UNC5D: variants seen among roughly 807,000 people sequenced by gnomAD.
UNC5D encodes unc-5 netrin receptor D.
Under a neutral mutation model 105.4 loss-of-function variants are expected in UNC5D, and 39 were observed. That is an observed-to-expected ratio of 0.37 (90% CI 0.29 to 0.48). The LOEUF (loss-of-function observed/expected upper bound fraction) is 0.48. Ranked by LOEUF, UNC5D falls within the 20% of genes least tolerant of loss-of-function variation. UNC5D has a pLI of 0.98. For synonymous variants in UNC5D, 452 were observed against 450.4 expected (o/e 1.00, Z -0.04); for missense variants, 991 against 1,202.4 (o/e 0.82, Z 2.60).
rs569824918 is a variant in UNC5D at position 35,727,109 on chromosome 8, C to T, written c.1681+580C>T. ...ATAATGAATTCTCACATATTTTGTT[C>T]CTCCTTTTAGCTGGAAGAGAGGAGA... On this transcript the variant is annotated intron_variant, in intron 10 of 16. Coordinates refer to ENST00000404895, the MANE Select transcript of UNC5D (RefSeq NM_080872.4). 2.6e-5 allele frequency: 4 copies of T among 153,210 alleles called. No homozygotes were observed. The South Asian group carries it at 8.2e-4, about 32-fold the overall frequency. 9.5% of individuals were successfully genotyped at this position (153,210 alleles called of 1,614,324 possible).
rs536794552 is a variant in UNC5D, at chr8:35,764,157, C to G, written c.2314-2745C>G. Among the ~76,000 whole-genome samples, 4 of 152,160 alleles carry G rather than the reference C, an allele frequency of 2.6e-5. No homozygotes were observed. In the East Asian group the frequency reaches 7.7e-4, roughly 29 times the overall value. On this transcript the variant is annotated intron_variant, in intron 14 of 16. Transcript: ENST00000404895. The stretch of plus-strand genomic sequence containing the variant: ...GCCATAATGGAAGCATAATGGAAAC[C>G]AGAATATTAGAGGAGAAGAACAATG...
chr8:35,681,963 C>G (rs1338045430), intron 4 of UNC5D, among the ~76,000 whole-genome samples: 1 of 151,932 alleles, frequency 6.6e-6, no homozygotes, highest in South Asian at 2.1e-4. Context: ...GAAGAGACGA[C>G]CTTTTTTTGG....
At chr8:35,372,460 A>C (rs1184008596) in intron 1 of UNC5D, among the ~76,000 whole-genome samples, 1 of 151,824 alleles carries the variant, frequency 6.6e-6, no homozygotes, top group African/African-American at 2.4e-5. Context: ...AACCTTGTAT[A>C]TTTTGGGGGG....
rs755637090 is a variant in UNC5D at position 35,790,555 on chromosome 8, G to A, written c.2854G>A (p.Gly952Arg). 9 of 1,613,554 alleles carry A rather than the reference G, an allele frequency of 5.6e-6. No individual in the cohort carries two copies. The highest frequency in any genetic ancestry group is 1.7e-5 in the Admixed American group (1 of 59,942). The change falls in exon 17 of 17, where the codon GGA becomes AGA. Residue 952 changes from glycine (G) to arginine (R), a missense_variant. Physicochemically the swap from Gly to Arg is moderately radical, Grantham distance 125. Around this residue, in one of 3 missense-constraint regions of UNC5D, gnomAD observed 45 missense variants for 54.5 expected, o/e 0.83. Coordinates refer to ENST00000404895, the MANE Select transcript of UNC5D (RefSeq NM_080872.4). Reference sequence around the variant, plus strand: ...CGACTTCAACTACAGCAGGCAAAATGGACTCTAGTCCACTTCCTCCCATGA... The same window carrying A: ...CGACTTCAACTACAGCAGGCAAAATAGACTCTAGTCCACTTCCTCCCATGA... Reference protein sequence around the residue: ...EADFNYSRQNGL With the variant: ...EADFNYSRQNRL
intron 1 of UNC5D, among the ~76,000 whole-genome samples, chr8:35,443,286 T>C (rs1807558513): frequency 2.0e-5 from 3 of 151,670 alleles, no homozygotes; most frequent in Admixed American, 2.0e-4. Flanking sequence ...TCTCTGCTAG[T>C]GAGTCAGTTT....
At chr8:35,718,908 A>G (rs1409959895) in intron 8 of UNC5D, among the ~76,000 whole-genome samples, 1 of 152,148 alleles carries the variant, frequency 6.6e-6, no homozygotes, top group Admixed American at 6.5e-5. Flanking sequence ...ATCAATTACA[A>G]TTGCACTTGG....
chr8:35,627,897 C>T (rs760018811), intron 4 of UNC5D, among the ~76,000 whole-genome samples: 6 of 152,044 alleles, frequency 3.9e-5, no homozygotes, highest in Non-Finnish European at 7.4e-5. Flanking sequence ...ACTACACTAC[C>T]GCCTGGGTGA....
intron 2 of UNC5D, among the ~76,000 whole-genome samples, chr8:35,551,460 A>G (rs999855715): frequency 3.9e-5 from 6 of 152,136 alleles, no homozygotes; most frequent in Non-Finnish European, 8.8e-5. Context: ...CTACTTGAAA[A>G]GGAAGTAGAC....
intron 7 of UNC5D, among the ~76,000 whole-genome samples, chr8:35,696,832 T>C (rs1826815103): frequency 6.6e-6 from 1 of 152,130 alleles, no homozygotes; most frequent in South Asian, 2.1e-4. Context: ...GTACTGTGAA[T>C]AAGAAAAGAC....
intron 1 of UNC5D, chr8:35,525,067 G>A: frequency 3.0e-6 from 3 of 996,996 alleles, no homozygotes; most frequent in Non-Finnish European, 4.4e-6. Context: ...CCTTTGTTAA[G>A]AGCCAACAGG....
At chr8:35,710,692 A>C (rs1220634093) in intron 8 of UNC5D, among the ~76,000 whole-genome samples, 1 of 152,174 alleles carries the variant, frequency 6.6e-6, no homozygotes, top group East Asian at 1.9e-4. Context: ...GGAGGTCAGA[A>C]GTCACTACAG....
At chr8:35,539,228 T>C (rs1815092811) in intron 1 of UNC5D, among the ~76,000 whole-genome samples, 1 of 152,146 alleles carries the variant, frequency 6.6e-6, no homozygotes, top group African/African-American at 2.4e-5. Flanking sequence ...ATTAATAGTA[T>C]TGGTCTTTGG....
At chr8:35,530,058 C>G (rs1364021429) in intron 1 of UNC5D, among the ~76,000 whole-genome samples, 1 of 150,712 alleles carries the variant, frequency 6.6e-6, no homozygotes, top group Non-Finnish European at 1.5e-5. Context: ...GCCTGATTGC[C>G]CTGGCCAGAA....
intron 1 of UNC5D, among the ~76,000 whole-genome samples, chr8:35,497,651 T>G (rs1474028527): frequency 1.4e-5 from 2 of 140,568 alleles, no homozygotes; most frequent in Non-Finnish European, 3.0e-5. Flanking sequence ...GGAGCATGGA[T>G]GAAAAAAAAA....
intron 13 of UNC5D, among the ~76,000 whole-genome samples, chr8:35,753,736 T>A (rs1213987990): frequency 6.6e-6 from 1 of 152,214 alleles, no homozygotes; most frequent in African/African-American, 2.4e-5. Flanking sequence ...ATATGACAGC[T>A]GTCATGAGCA....
At chr8:35,715,766 T>C (rs1161218114) in intron 8 of UNC5D, among the ~76,000 whole-genome samples, 1 of 151,284 alleles carries the variant, frequency 6.6e-6, no homozygotes. Context: ...TGAGGCCAGG[T>C]CCTCATGGGG....
intron 1 of UNC5D, among the ~76,000 whole-genome samples, chr8:35,529,784 C>T (rs1217219174): frequency 7.5e-6 from 1 of 132,724 alleles, no homozygotes; most frequent in Middle Eastern, 3.8e-3. Context: ...AAGTTGGATT[C>T]CTAGGTATTT....
chr8:35,589,819 G>A (rs1005756972), intron 3 of UNC5D, among the ~76,000 whole-genome samples: 6 of 152,006 alleles, frequency 3.9e-5, no homozygotes, highest in East Asian at 1.9e-4. Flanking sequence ...ATGTTGTAAC[G>A]TGCATCAATA....
At chr8:35,693,252 C>T (rs1218175438) in intron 7 of UNC5D, among the ~76,000 whole-genome samples, 2 of 152,094 alleles carry the variant, frequency 1.3e-5, no homozygotes, top group South Asian at 2.1e-4. Flanking sequence ...TGGGCACTTG[C>T]ACTCAAGTGC....
Sources: gnomAD v4.1 joint callset for allele counts (sites outside exome capture counted in the v4.1 genomes callset) on GRCh38, gnomAD v4.1.1 for gene constraint, gnomAD v4.1.1 regional missense constraint, MANE v1.5 for transcripts, NCBI Gene and HGNC (gene_info 2026-07-23, HGNC 2026-07-21) for gene names.